FRMD4A: variants seen among roughly 807,000 people sequenced by gnomAD.
FRMD4A encodes FERM domain-containing protein 4A.
In FRMD4A, 29 loss-of-function variants were observed where a neutral mutation model predicts 129.1. The observed-to-expected ratio is 0.22, with a 90% CI of 0.17 to 0.31. The LOEUF (loss-of-function observed/expected upper bound fraction) is 0.31, where lower values mean the gene tolerates loss of function less well. Among genes scored for constraint, FRMD4A ranks in the 10% least tolerant of loss-of-function variants. The pLI, the probability that FRMD4A is intolerant of heterozygous loss-of-function variation, is 1.00. For missense variants in FRMD4A, 1,272 were observed against 1,375.8 expected, an observed-to-expected ratio of 0.92 and a Z score of 1.19; for synonymous variants, 634 against 571.6, an observed-to-expected ratio of 1.11 and a Z score of -1.56.
At chr10:13,695,371 C>A (rs575006524) in intron 14 of FRMD4A, among the ~76,000 whole-genome samples, 171 of 152,248 alleles carry the variant, frequency 1.1e-3, no homozygotes, top group African/African-American at 4.0e-3. Flanking sequence ...AAACTCCTGA[C>A]CTCAGGTGAT....
chr10:14,309,442 C>A (rs908446895), intron 2 of FRMD4A, among the ~76,000 whole-genome samples: 1 of 152,052 alleles, frequency 6.6e-6, no homozygotes, highest in Non-Finnish European at 1.5e-5. Context: ...AGAGGGAGAC[C>A]TTGTCACAAA....
At chr10:14,237,711 CT>C (rs1480296407) in intron 2 of FRMD4A, among the ~76,000 whole-genome samples, 2 of 152,178 alleles carry the variant, frequency 1.3e-5, no homozygotes, top group Non-Finnish European at 2.9e-5. Context: ...ACAGCTGTTG[CT>C]AGGACCAAAT....
At chr10:13,719,385 C>T (rs1436415603) in intron 12 of FRMD4A, among the ~76,000 whole-genome samples, 1 of 152,030 alleles carries the variant, frequency 6.6e-6, no homozygotes, top group Non-Finnish European at 1.5e-5. Flanking sequence ...TACTCCCAAC[C>T]TAGAGGTCAG....
At chr10:13,793,608 A>G (rs927503557) in intron 5 of FRMD4A, among the ~76,000 whole-genome samples, 1 of 152,148 alleles carries the variant, frequency 6.6e-6, no homozygotes, top group Admixed American at 6.5e-5. Context: ...GCGTCAAGAT[A>G]TGCAGGTGCC....
intron 2 of FRMD4A, among the ~76,000 whole-genome samples, chr10:13,864,168 G>T (rs1170939895): frequency 6.6e-6 from 1 of 151,524 alleles, no homozygotes; most frequent in Non-Finnish European, 1.5e-5. Context: ...TGTAATTTTT[G>T]TATTTTTAGT....
At chr10:14,284,475 C>G (rs1003403851) in intron 2 of FRMD4A, among the ~76,000 whole-genome samples, 1 of 152,106 alleles carries the variant, frequency 6.6e-6, no homozygotes, top group Non-Finnish European at 1.5e-5. Context: ...GGTGAAACCC[C>G]GTATCTACTA....
intron 2 of FRMD4A, among the ~76,000 whole-genome samples, chr10:14,221,894 T>C (rs1198961837): frequency 6.6e-6 from 1 of 152,022 alleles, no homozygotes; most frequent in Non-Finnish European, 1.5e-5. Context: ...TATTGGAGGG[T>C]CTGCAGTTGA....
chr10:14,313,590 T>G (rs1472769901), intron 2 of FRMD4A, among the ~76,000 whole-genome samples: 2 of 150,740 alleles, frequency 1.3e-5, no homozygotes, highest in African/African-American at 2.4e-5. Context: ...GATCATTAGA[T>G]TCCAGCTATT....
intron 2 of FRMD4A, among the ~76,000 whole-genome samples, chr10:14,044,290 T>TC (rs1333625333): frequency 6.6e-6 from 1 of 152,240 alleles, no homozygotes; most frequent in African/African-American, 2.4e-5. Flanking sequence ...TCTTTGCTGA[T>TC]CTCTCTATTG....
intron 2 of FRMD4A, among the ~76,000 whole-genome samples, chr10:14,048,794 A>C (rs749287703): frequency 2.6e-5 from 4 of 151,822 alleles, no homozygotes; most frequent in Non-Finnish European, 5.9e-5. Flanking sequence ...TGACAGAGCG[A>C]GACTCTTGTC....
chr10:14,278,739 A>C (rs1342825144), intron 2 of FRMD4A, among the ~76,000 whole-genome samples: 2 of 152,160 alleles, frequency 1.3e-5, no homozygotes, highest in African/African-American at 4.8e-5. Flanking sequence ...GGCTGTGCAC[A>C]CTTTACATCT....
At chr10:14,192,397 A>G (rs912797969) in intron 2 of FRMD4A, among the ~76,000 whole-genome samples, 1 of 152,234 alleles carries the variant, frequency 6.6e-6, no homozygotes, top group Non-Finnish European at 1.5e-5. Context: ...TTAGCTTAGA[A>G]GCAAAAATGG....
intron 2 of FRMD4A, among the ~76,000 whole-genome samples, chr10:14,080,773 A>C (rs1369056984): frequency 6.6e-6 from 1 of 152,002 alleles, no homozygotes; most frequent in Non-Finnish European, 1.5e-5. Context: ...ATCAGTGTCC[A>C]GTTGGCATCT....
intron 2 of FRMD4A, among the ~76,000 whole-genome samples, chr10:14,056,056 T>C (rs1317092230): frequency 1.3e-5 from 2 of 152,260 alleles, no homozygotes; most frequent in Non-Finnish European, 1.5e-5. Flanking sequence ...TTTAGAGATG[T>C]AGTCTCACTC....
intron 2 of FRMD4A, among the ~76,000 whole-genome samples, chr10:14,250,603 ACCCTCTGT>A (rs2132019588): frequency 6.6e-6 from 1 of 152,284 alleles, no homozygotes; most frequent in South Asian, 2.1e-4. Flanking sequence ...CATATGTCAG[ACCCTCTGT>A]GGGGCCAAAA....
chr10:14,159,232 T>G (rs1054289728), intron 2 of FRMD4A, among the ~76,000 whole-genome samples: 1 of 152,230 alleles, frequency 6.6e-6, no homozygotes, highest in African/African-American at 2.4e-5. Context: ...GTTCCCTAGC[T>G]CAAGGCTGTG....
Position 13,925,566 on chromosome 10 carries a change from C to CTTTTTTTTTTTTTTTTTTTTTTT in FRMD4A, c.46-66677_46-66655dup, listed in dbSNP as rs66980805. Among the ~76,000 whole-genome samples, 6 of 61,946 alleles carry CTTTTTTTTTTTTTTTTTTTTTTT rather than the reference C, an allele frequency of 9.7e-5. 2 individuals are homozygous for CTTTTTTTTTTTTTTTTTTTTTTT. Among genetic ancestry groups the CTTTTTTTTTTTTTTTTTTTTTTT allele is most frequent in the Admixed American group, 5.2e-4 (2 of 3,810 alleles). 40.6% of individuals were successfully genotyped at this position (61,946 alleles called of 152,430 possible). ...TGAAAGTTTCTATTGTAGTGAAACG[C>CTTTTTTTTTTTTTTTTTTTTTTT]TTTTTTTTTTTTTTTTTTTTTTTTT... On this transcript the variant is annotated intron_variant, in intron 2 of 24. Coordinates refer to ENST00000357447, the MANE Select transcript of FRMD4A (RefSeq NM_018027.5).
chr10:14,093,153 G>A (rs572463698), intron 2 of FRMD4A, among the ~76,000 whole-genome samples: 1 of 152,248 alleles, frequency 6.6e-6, no homozygotes, highest in African/African-American at 2.4e-5. Context: ...CCAGCAAGGT[G>A]GGTATTTGCA....
chr10:14,112,586 C>T (rs34273452), intron 2 of FRMD4A, among the ~76,000 whole-genome samples: 52,495 of 152,028 alleles, frequency 0.35, 9,920 homozygotes, highest in East Asian at 0.53. Flanking sequence ...ACTGTAGTGG[C>T]GCCATCTTGG....
Sources: gnomAD v4.1 joint callset for allele counts (sites outside exome capture counted in the v4.1 genomes callset) on GRCh38, gnomAD v4.1.1 for gene constraint, MANE v1.5 for transcripts, NCBI Gene and HGNC (gene_info 2026-07-23, HGNC 2026-07-21) for gene names.